The following NYAP2 variants were observed in gnomAD, a reference collection of about 807,000 sequenced individuals.
NYAP2 encodes neuronal tyrosine-phosphorylated phosphoinositide-3-kinase adapter 2.
A neutral mutation model predicts 50.4 loss-of-function variants in NYAP2; 23 were observed. The observed-to-expected ratio is 0.46, with a 90% CI of 0.33 to 0.65. The LOEUF (loss-of-function observed/expected upper bound fraction) is 0.65, where lower values mean the gene tolerates loss of function less well. Ranked by LOEUF, NYAP2 falls within the 30% of genes least tolerant of loss-of-function variation. The pLI is 0.02. For synonymous variants in NYAP2, 394 were observed against 365.2 expected (o/e 1.08, Z -0.90); for missense variants, 885 against 861.0 (o/e 1.03, Z -0.35).
chr2:225,563,233 G>A (rs1360218757), intron 4 of NYAP2, among the ~76,000 whole-genome samples: 3 of 152,076 alleles, frequency 2.0e-5, no homozygotes, highest in Non-Finnish European at 2.9e-5. Context: ...AAGAAACAGG[G>A]GAGGGTTCCA....
chr2:225,520,215 T>G (rs1266121993), intron 4 of NYAP2, among the ~76,000 whole-genome samples: 2 of 152,174 alleles, frequency 1.3e-5, no homozygotes, highest in Non-Finnish European at 2.9e-5. Context: ...TCTCCCATTT[T>G]GTAGGTTGCC....
intron 5 of NYAP2, among the ~76,000 whole-genome samples, chr2:225,610,223 G>A (rs968351862): frequency 6.6e-6 from 1 of 152,110 alleles, no homozygotes; most frequent in African/African-American, 2.4e-5. Flanking sequence ...TTTTCTCACA[G>A]TTCTGGAGCC....
intron 3 of NYAP2, among the ~76,000 whole-genome samples, chr2:225,470,072 C>T (rs1285165802): frequency 1.3e-5 from 2 of 152,138 alleles, no homozygotes; most frequent in Non-Finnish European, 2.9e-5. Context: ...GGAGATTTCA[C>T]AATGAAGTAT....
intron 4 of NYAP2, among the ~76,000 whole-genome samples, chr2:225,555,067 A>G (rs1348763272): frequency 6.6e-6 from 1 of 152,266 alleles, no homozygotes; most frequent in South Asian, 2.1e-4. Flanking sequence ...ACAGTTTTCC[A>G]TCTTTATTAT....
intron 3 of NYAP2, among the ~76,000 whole-genome samples, chr2:225,432,689 A>T (rs1689288712): frequency 6.6e-6 from 1 of 152,168 alleles, no homozygotes; most frequent in South Asian, 2.1e-4. Flanking sequence ...AATAACCTTG[A>T]CTTAAGTAAA....
intron 3 of NYAP2, among the ~76,000 whole-genome samples, chr2:225,489,969 A>T (rs1257737102): frequency 6.6e-6 from 1 of 152,200 alleles, no homozygotes; most frequent in Non-Finnish European, 1.5e-5. Context: ...CATAGTTCTG[A>T]GAATCCTGGA....
chr2:225,538,773 TTTTCTTTTCTTTC>T (rs1173215124), intron 4 of NYAP2, among the ~76,000 whole-genome samples: 63 of 95,846 alleles, frequency 6.6e-4, no homozygotes, highest in South Asian at 1.0e-3. Flanking sequence ...TTTTCTTTTC[TTTTCTTTTCTTTC>T]TTTCTTTCTT....
At chr2:225,450,750 C>A (rs540794036) in intron 3 of NYAP2, among the ~76,000 whole-genome samples, 2 of 152,290 alleles carry the variant, frequency 1.3e-5, no homozygotes, top group East Asian at 3.9e-4. Flanking sequence ...GGCTCAGTTT[C>A]TTTGCATTTC....
At chr2:225,504,538 G>A (rs1439182205) in intron 3 of NYAP2, among the ~76,000 whole-genome samples, 1 of 152,022 alleles carries the variant, frequency 6.6e-6, no homozygotes, top group Admixed American at 6.6e-5. Context: ...AACAACCCTG[G>A]AAAGTGTTTC....
At chr2:225,674,539 C>T in the NYAP2 span, among the ~76,000 whole-genome samples, 5 of 151,948 alleles carry the variant, frequency 3.3e-5, no homozygotes, top group East Asian at 5.8e-4. Context: ...CAGTGATTAG[C>T]GGAGAAGCTA....
At chr2:225,525,944 A>G (rs572983027) in intron 4 of NYAP2, among the ~76,000 whole-genome samples, 1 of 152,334 alleles carries the variant, frequency 6.6e-6, no homozygotes, top group African/African-American at 2.4e-5. Flanking sequence ...GGTAAGGCAC[A>G]TGGGCAGCCT....
chr2:225,601,026 T>A (rs1233089940), intron 5 of NYAP2, among the ~76,000 whole-genome samples: 2 of 152,068 alleles, frequency 1.3e-5, no homozygotes, highest in Non-Finnish European at 2.9e-5. Context: ...TGGACATGAG[T>A]GGTGTATGAT....
chr2:225,530,003 G>A (rs114370506), intron 4 of NYAP2, among the ~76,000 whole-genome samples: 1,729 of 152,272 alleles, frequency 0.011, 28 homozygotes, highest in African/African-American at 0.039. Flanking sequence ...CACCGTGCCT[G>A]GCCTCAGTCA....
intron 3 of NYAP2, among the ~76,000 whole-genome samples, chr2:225,491,605 T>TC (rs964566026): frequency 6.6e-6 from 1 of 152,186 alleles, no homozygotes; most frequent in African/African-American, 2.4e-5. Flanking sequence ...TGGTACTATT[T>TC]CCCCTCCTCC....
intron 6 of NYAP2, among the ~76,000 whole-genome samples, chr2:225,649,494 C>A (rs149178162): frequency 6.6e-6 from 1 of 152,308 alleles, no homozygotes; most frequent in East Asian, 1.9e-4. Context: ...CCCTCTACGT[C>A]TTCCTTCTAA....
the NYAP2 span, among the ~76,000 whole-genome samples, chr2:225,660,732 T>C: frequency 6.6e-6 from 1 of 152,222 alleles, no homozygotes; most frequent in East Asian, 1.9e-4. Flanking sequence ...ACAGAAGATG[T>C]ATGCGTTGTT....
At chr2:225,693,849 T>C in the NYAP2 span, among the ~76,000 whole-genome samples, 1 of 152,056 alleles carries the variant, frequency 6.6e-6, no homozygotes, top group South Asian at 2.1e-4. Flanking sequence ...AATGTATAGT[T>C]ACTTTCCTCC....
chr2:225,622,567 CTTTCTTTCTTTCTTCTTTCT>C (rs1559232951), intron 5 of NYAP2, among the ~76,000 whole-genome samples: 13 of 60,734 alleles, frequency 2.1e-4, no homozygotes, highest in Non-Finnish European at 2.5e-4. Flanking sequence ...CTTTTTCTTT[CTTTCTTTCTTTCTTCTTTCT>C]TTTTTTTTTT....
At chr2:225,568,847 T>C (rs1692008572) in intron 4 of NYAP2, among the ~76,000 whole-genome samples, 2 of 152,250 alleles carry the variant, frequency 1.3e-5, no homozygotes, top group African/African-American at 4.8e-5. Context: ...GAAGTCAGCA[T>C]TGTATAGGAG....
Sources: gnomAD v4.1 joint callset for allele counts (sites outside exome capture counted in the v4.1 genomes callset) on GRCh38, gnomAD v4.1.1 for gene constraint, MANE v1.5 for transcripts, NCBI Gene and HGNC (gene_info 2026-07-23, HGNC 2026-07-21) for gene names.